ZBTB8A: variants seen among roughly 807,000 people sequenced by gnomAD.
ZBTB8A encodes the protein zinc finger and BTB domain containing 8A, also known as zinc finger and BTB domain-containing protein 8A.
In ZBTB8A, 19 loss-of-function variants were observed where a neutral mutation model predicts 37.8. The ratio of observed to expected loss-of-function variants is 0.50; its 90% CI spans 0.35 to 0.74. The LOEUF (loss-of-function observed/expected upper bound fraction) is 0.74. Among genes scored for constraint, ZBTB8A ranks in the 30% least tolerant of loss-of-function variants. The pLI is 0.01. For missense variants in ZBTB8A, 394 were observed against 537.8 expected, an observed-to-expected ratio of 0.73 and a Z score of 2.65; for synonymous variants, 181 against 185.2, an observed-to-expected ratio of 0.98 and a Z score of 0.19.
Position 32,601,702 on chromosome 1 carries a change from T to C in ZBTB8A, c.*1283T>C. On this transcript the variant is annotated 3_prime_UTR_variant, in exon 5 of 5. Transcript: ENST00000373510. ...CAATCCTCTTTCAGCCTTCTCTCCC[T>C]GTATGTCTCCTGAAATGGCAAAGAA... 2.5e-6 allele frequency: 1 copy of C among 398,564 alleles called. No homozygotes were observed. The highest frequency in any genetic ancestry group is 4.4e-6 in the Non-Finnish European group (1 of 226,040). The allele number at this position is 398,564 out of a possible 1,614,324, so 24.7% of individuals were successfully genotyped here.
At position 32,553,510 on chromosome 1, in the gene ZBTB8A, C is replaced by T. The variant is rs1277945893; in HGVS notation, c.-32C>T. On this transcript the variant is annotated 5_prime_UTR_variant, in exon 2 of 5. Transcript: ENST00000373510. ...GACTTAGAATCTTCCCTTTTTTACT[C>T]CATTCAAGAGCAGCATTCATAAATT... is the stretch of plus-strand genomic sequence containing the variant. 6.6e-6 allele frequency: 1 copy of T among 152,130 alleles called. No individual in the cohort carries two copies. Among genetic ancestry groups the T allele is most frequent in the African/African-American group, 2.4e-5 (1 of 41,426 alleles). The allele number at this position is 152,130 out of a possible 1,614,324, so 9.4% of individuals were successfully genotyped here.
chr1:32,595,602 C>T (rs1333889225), intron 4 of ZBTB8A, among the ~76,000 whole-genome samples: 1 of 149,956 alleles, frequency 6.7e-6, no homozygotes, highest in East Asian at 2.0e-4. Flanking sequence ...CAGGGTCTCT[C>T]TCTATCGCCC....
chr1:32,567,805 A>AC (rs1557707611), intron 2 of ZBTB8A, among the ~76,000 whole-genome samples: 1 of 45,490 alleles, frequency 2.2e-5, no homozygotes, highest in African/African-American at 1.1e-4. Flanking sequence ...AAAAAAAAAA[A>AC]AAAAAAAAAA....
At chr1:32,558,436 TAAACAC>T (rs1200853660) in intron 2 of ZBTB8A, among the ~76,000 whole-genome samples, 3 of 126,612 alleles carry the variant, frequency 2.4e-5, no homozygotes, top group African/African-American at 1.0e-4. Context: ...AGCTAAGTAT[TAAACAC>T]ACACACACAC....
chr1:32,592,602 G>A (rs1293185780), intron 2 of ZBTB8A, among the ~76,000 whole-genome samples: 1 of 150,526 alleles, frequency 6.6e-6, no homozygotes, highest in Non-Finnish European at 1.5e-5. Flanking sequence ...CACCTCCCAG[G>A]TTCAAGCGAT....
At position 32,569,476 on chromosome 1, in the gene ZBTB8A, C is replaced by G. The variant is rs560446017; in HGVS notation, c.-2+15936C>G. Among the ~76,000 whole-genome samples the G allele has an allele frequency of 8.8e-5, 13 of 148,066 alleles. No individual in the cohort carries two copies. The East Asian group carries it at 1.6e-3, about 18-fold the overall frequency. On this transcript the variant is annotated intron_variant, in intron 2 of 4. Transcript: ENST00000373510. ...TGATGCGATCTCAGCTCACTGCCAGCTCTGCCTCCCGAGTTCACGCCATTC... is the reference window on the plus strand; with the variant it reads ...TGATGCGATCTCAGCTCACTGCCAGGTCTGCCTCCCGAGTTCACGCCATTC...
chr1:32,570,734 A>G (rs952378142), intron 2 of ZBTB8A, among the ~76,000 whole-genome samples: 3 of 152,136 alleles, frequency 2.0e-5, no homozygotes, highest in African/African-American at 4.8e-5. Context: ...ACTGATTTTC[A>G]TATGTTGATC....
intron 2 of ZBTB8A, among the ~76,000 whole-genome samples, chr1:32,559,528 A>G (rs1644227806): frequency 6.6e-6 from 1 of 152,100 alleles, no homozygotes; most frequent in South Asian, 2.1e-4. Context: ...CAGTGGCATG[A>G]TCACGGCTCG....
At position 32,593,443 on chromosome 1, in the gene ZBTB8A, G is replaced by C. The variant is rs1557717405; in HGVS notation, c.512G>C (p.Gly171Ala). The stretch of plus-strand genomic sequence containing the variant: ...CGTTCTCACCTAAGCCCAGAGCAAG[G>C]AACAGGTATAATAAGTGGAAAATCT... ...SPRSHLSPEQ[G>A]TGIISGKSWN... The change falls in exon 3 of 5, where the codon GGA becomes GCA. Residue 171 changes from glycine (G) to alanine (A), a missense_variant. This residue lies in a region of ZBTB8A where 171 missense variants were observed against 186.8 expected (regional missense o/e 0.92). Transcript: ENST00000373510. 7 of 1,613,910 alleles carry C rather than the reference G, an allele frequency of 4.3e-6. No homozygotes were observed.
At chr1:32,549,367 TC>T (rs1219131835) in intron 1 of ZBTB8A, among the ~76,000 whole-genome samples, 2 of 151,406 alleles carry the variant, frequency 1.3e-5, no homozygotes, top group African/African-American at 4.9e-5. Context: ...GGTGGGATGT[TC>T]CTGTAATCCC....
intron 1 of ZBTB8A, among the ~76,000 whole-genome samples, chr1:32,542,960 T>C (rs1374808043): frequency 6.6e-6 from 1 of 152,192 alleles, no homozygotes; most frequent in Non-Finnish European, 1.5e-5. Flanking sequence ...ATTCTGAAAA[T>C]AACTTAAACC....
chr1:32,604,348 G>A lies in ZBTB8A; in HGVS notation c.*3929G>A, dbSNP rs1161965432. 3 of 152,180 alleles carry A rather than the reference G, an allele frequency of 2.0e-5. No individual in the cohort carries two copies. The East Asian group carries it at 5.8e-4, about 29-fold the overall frequency. 9.4% of individuals were successfully genotyped at this position (152,180 alleles called of 1,614,324 possible). ...GATAAACTCTAAAATCAGAGCTGCT[G>A]TGGTTAAAGTCCCCCACAAACCTTT... On this transcript the variant is annotated 3_prime_UTR_variant, in exon 5 of 5. Transcript: ENST00000373510.
rs1644612234 is a variant in ZBTB8A at position 32,605,690 on chromosome 1, G to GC, written c.*5272dup. 1 of 124,318 alleles carries GC rather than the reference G, an allele frequency of 8.0e-6. No homozygotes were observed. Among genetic ancestry groups the GC allele is most frequent in the South Asian group, 2.4e-4 (1 of 4,118 alleles). 7.7% of individuals were successfully genotyped at this position (124,318 alleles called of 1,614,324 possible). On this transcript the variant is annotated 3_prime_UTR_variant, in exon 5 of 5. Transcript: ENST00000373510. ...ACTGCACTCCAGGCTGGGTGACAGAGCGAGACTCCACCTCAAAAAAAAAAA... is the reference window on the plus strand; with the variant it reads ...ACTGCACTCCAGGCTGGGTGACAGAGCCGAGACTCCACCTCAAAAAAAAAAA...
At chr1:32,591,335 C>T (rs1388023297) in intron 2 of ZBTB8A, among the ~76,000 whole-genome samples, 1 of 151,204 alleles carries the variant, frequency 6.6e-6, no homozygotes, top group Non-Finnish European at 1.5e-5. Context: ...TTCAGCCTCC[C>T]AAGGAGCTAG....
intron 2 of ZBTB8A, among the ~76,000 whole-genome samples, chr1:32,567,825 A>AAAAAAAAACAAAAAC (rs1644294123): frequency 1.6e-5 from 1 of 63,676 alleles, no homozygotes; most frequent in Non-Finnish European, 2.7e-5. Flanking sequence ...AAAAAAAAAC[A>AAAAAAAAACAAAAAC]AAAACAAAAC....
At position 32,593,698 on chromosome 1, in the gene ZBTB8A, C is replaced by T; in HGVS notation, c.767C>T (p.Thr256Ile). 6.2e-7 allele frequency: 1 copy of T among 1,614,116 alleles called. No individual in the cohort carries two copies. Among genetic ancestry groups the T allele is most frequent in the Non-Finnish European group, 8.5e-7 (1 of 1,180,010 alleles). Residue 256 changes from threonine to isoleucine, a missense_variant, in exon 3 of 5, where the codon ACT becomes ATT. By Grantham distance (89) the Thr-to-Ile change is moderately conservative. Coordinates refer to ENST00000373510, the MANE Select transcript of ZBTB8A (RefSeq NM_001040441.3). ...QAQIDAEMDS[T>I]PVGYQYGQGS... ...CAGATTGATGCTGAAATGGACTCTA[C>T]TCCTGTTGGCTATCAGTACGGTCAA...
chr1:32,554,840 CCT>C (rs1343531499), intron 2 of ZBTB8A, among the ~76,000 whole-genome samples: 1 of 152,082 alleles, frequency 6.6e-6, no homozygotes, highest in Non-Finnish European at 1.5e-5. Context: ...TAATTCACTG[CCT>C]CTCTTGTGTA....
Position 32,604,362 on chromosome 1 carries a change from C to T in ZBTB8A, c.*3943C>T, listed in dbSNP as rs1644599551. The stretch of plus-strand genomic sequence containing the variant: ...TCAGAGCTGCTGTGGTTAAAGTCCC[C>T]CACAAACCTTTCCCCAGACACCTCT... On this transcript the variant is annotated 3_prime_UTR_variant, in exon 5 of 5. Coordinates refer to ENST00000373510, the MANE Select transcript of ZBTB8A (RefSeq NM_001040441.3). 6.6e-6 allele frequency: 1 copy of T among 152,102 alleles called. No individual in the cohort carries two copies. Among genetic ancestry groups the T allele is most frequent in the Non-Finnish European group, 1.5e-5 (1 of 68,026 alleles). 9.4% of individuals were successfully genotyped at this position (152,102 alleles called of 1,614,324 possible).
Position 32,575,044 on chromosome 1 carries a change from G to A in ZBTB8A, c.-1-17887G>A, listed in dbSNP as rs140389640. Among the ~76,000 whole-genome samples the A allele has an allele frequency of 4.7e-3, 706 of 151,822 alleles. 7 individuals are homozygous for A. The highest frequency in any genetic ancestry group is 0.015 in the African/African-American group (641 of 41,424). ...CCCACTTTGGCCTCTCAAAGTGCTG[G>A]GATTACAGGCGTGAGCCACCATGCC... On this transcript the variant is annotated intron_variant, in intron 2 of 4. Transcript: ENST00000373510.
Sources: gnomAD v4.1 joint callset for allele counts (sites outside exome capture counted in the v4.1 genomes callset) on GRCh38, gnomAD v4.1.1 for gene constraint, gnomAD v4.1.1 regional missense constraint, MANE v1.5 for transcripts, NCBI Gene and HGNC (gene_info 2026-07-23, HGNC 2026-07-21) for gene names.